RAB38: variants seen among roughly 807,000 people sequenced by gnomAD.
RAB38 encodes the protein ras-related protein Rab-38.
RAB38 carries 15 observed loss-of-function variants against 18.4 expected under a neutral mutation model. That is an observed-to-expected ratio of 0.82 (90% CI 0.55 to 1.26). The LOEUF (loss-of-function observed/expected upper bound fraction) is 1.26. Among genes scored for constraint, RAB38 ranks in the 50% most tolerant of loss-of-function variants. The probability of loss-of-function intolerance (pLI) is 0.00; values close to 1 mark genes in which losing one functional copy is unlikely to be tolerated. For synonymous variants in RAB38, 101 were observed against 104.4 expected (o/e 0.97, Z 0.20); for missense variants, 294 against 267.4 (o/e 1.10, Z -0.69).
At chr11:88,018,505 T>G in the RAB38 span, among the ~76,000 whole-genome samples, 1 of 152,266 alleles carries the variant, frequency 6.6e-6, no homozygotes, top group Non-Finnish European at 1.5e-5. Context: ...TCAAAAGAGT[T>G]TTCTGTATCC....
At chr11:87,951,845 AG>A in the RAB38 span, among the ~76,000 whole-genome samples, 1 of 152,290 alleles carries the variant, frequency 6.6e-6, no homozygotes, top group South Asian at 2.1e-4. Context: ...CTCGGGTGTC[AG>A]GGACCCACTT....
chr11:88,038,419 G>C, the RAB38 span, among the ~76,000 whole-genome samples: 4 of 152,048 alleles, frequency 2.6e-5, no homozygotes, highest in Non-Finnish European at 5.9e-5. Flanking sequence ...CATAATGTTT[G>C]CTTATCATCA....
At chr11:88,174,249 T>A (rs1240519486) in intron 1 of RAB38, 1 of 248,878 alleles carries the variant, frequency 4.0e-6, no homozygotes, top group East Asian at 1.8e-4. Context: ...GAGGGGTTGG[T>A]CATGCGCAGG....
chr11:88,080,408 A>T, the RAB38 span, among the ~76,000 whole-genome samples: 3 of 151,884 alleles, frequency 2.0e-5, no homozygotes, highest in African/African-American at 7.2e-5. Flanking sequence ...TCCAAATAAA[A>T]GGTGATATAT....
chr11:87,936,893 G>C, the RAB38 span, among the ~76,000 whole-genome samples: 22 of 151,854 alleles, frequency 1.4e-4, no homozygotes, highest in African/African-American at 5.1e-4. Flanking sequence ...TAAATTGCTT[G>C]GTAATTTCTA....
intron 1 of RAB38, among the ~76,000 whole-genome samples, chr11:88,163,136 C>T (rs1435236124): frequency 6.6e-6 from 1 of 152,066 alleles, no homozygotes; most frequent in Admixed American, 6.6e-5. Context: ...CAGCCTGTGT[C>T]CTCAATTACA....
the RAB38 span, among the ~76,000 whole-genome samples, chr11:87,878,496 TA>T: frequency 6.6e-6 from 1 of 151,402 alleles, no homozygotes; most frequent in Non-Finnish European, 1.5e-5. Context: ...TAAAATGCTA[TA>T]AAACTGCAAA....
At chr11:88,032,537 AC>A in the RAB38 span, among the ~76,000 whole-genome samples, 1 of 152,228 alleles carries the variant, frequency 6.6e-6, no homozygotes, top group African/African-American at 2.4e-5. Context: ...CAAGAAAAAA[AC>A]AAACAACCCC....
rs573720048 is a variant in RAB38 at position 88,116,561 on chromosome 11, G to C, written c.484-2421C>G. 2.0e-5 allele frequency among the ~76,000 whole-genome samples: 3 copies of C among 152,160 alleles called. No individual in the cohort carries two copies. The East Asian group carries it at 5.8e-4, about 29-fold the overall frequency. ...GGCTGGGAGGCCAGAGCTTACACTGGGTCTTTCTGACATCAAAGCCTGGCT... is the reference window on the plus strand; with the variant it reads ...GGCTGGGAGGCCAGAGCTTACACTGCGTCTTTCTGACATCAAAGCCTGGCT... On this transcript the variant is annotated intron_variant, in intron 2 of 2. Coordinates refer to ENST00000243662, the MANE Select transcript of RAB38 (RefSeq NM_022337.3).
At chr11:88,049,523 C>G in the RAB38 span, among the ~76,000 whole-genome samples, 1 of 152,020 alleles carries the variant, frequency 6.6e-6, no homozygotes, top group Non-Finnish European at 1.5e-5. Flanking sequence ...ACCCCTGTCT[C>G]CCTTCGCTGA....
the RAB38 span, among the ~76,000 whole-genome samples, chr11:88,044,158 G>T: frequency 1.3e-5 from 2 of 152,064 alleles, no homozygotes; most frequent in African/African-American, 4.8e-5. Flanking sequence ...GCCTTCCCTT[G>T]GTGTTTAATC....
In RAB38 at chr11:88,122,485, A is replaced by AAAGATAAAT. The variant is rs141519799; in HGVS notation, c.484-8354_484-8346dup. 4.5e-4 allele frequency among the ~76,000 whole-genome samples: 69 copies of AAAGATAAAT among 152,388 alleles called. 1 individual carries two copies. In the East Asian group the frequency reaches 6.0e-3, roughly 13 times the overall value. On this transcript the variant is annotated intron_variant, in intron 2 of 2. Coordinates refer to ENST00000243662, the MANE Select transcript of RAB38 (RefSeq NM_022337.3). Reference sequence around the variant, plus strand: ...ACTACTTTCTCATTAATCAGCTTGAAAAGATAAATGGTCAACCAGACACAA... The same window carrying AAAGATAAAT: ...ACTACTTTCTCATTAATCAGCTTGAAAAGATAAATAAGATAAATGGTCAACCAGACACAA...
At chr11:87,826,094 T>A in the RAB38 span, among the ~76,000 whole-genome samples, 1 of 151,998 alleles carries the variant, frequency 6.6e-6, no homozygotes, top group African/African-American at 2.4e-5. Context: ...ATGTTTAAAA[T>A]GGTAAAAGTG....
the RAB38 span, chr11:87,879,388 G>A: frequency 6.6e-6 from 1 of 151,450 alleles, no homozygotes; most frequent in Non-Finnish European, 1.5e-5. Context: ...GGTGGGGAGA[G>A]TATTCCAGTA....
chr11:87,922,291 A>C, the RAB38 span, among the ~76,000 whole-genome samples: 1 of 152,014 alleles, frequency 6.6e-6, no homozygotes, highest in Admixed American at 6.6e-5. Flanking sequence ...CCCTCTAACG[A>C]GGAGAATTCT....
chr11:87,977,368 A>AAATATAATTATATATAT, the RAB38 span, among the ~76,000 whole-genome samples: 1 of 80,178 alleles, frequency 1.2e-5, no homozygotes, highest in African/African-American at 4.8e-5. Context: ...GTATATTATA[A>AAATATAATTATATATAT]AATTATATTA....
the RAB38 span, among the ~76,000 whole-genome samples, chr11:88,016,314 G>A: frequency 6.6e-6 from 1 of 152,064 alleles, no homozygotes; most frequent in Non-Finnish European, 1.5e-5. Context: ...ACAGTAGAAT[G>A]AGACAACCTA....
At chr11:88,094,651 A>G in the RAB38 span, among the ~76,000 whole-genome samples, 1 of 151,772 alleles carries the variant, frequency 6.6e-6, no homozygotes, top group Non-Finnish European at 1.5e-5. Context: ...AGACTTTCTT[A>G]TTAAATCACC....
the RAB38 span, among the ~76,000 whole-genome samples, chr11:88,093,427 C>T: frequency 2.0e-5 from 3 of 151,838 alleles, no homozygotes; most frequent in South Asian, 6.2e-4. Flanking sequence ...TAAAAACAAC[C>T]TAAAACTGAT....
Sources: gnomAD v4.1 joint callset for allele counts (sites outside exome capture counted in the v4.1 genomes callset) on GRCh38, gnomAD v4.1.1 for gene constraint, MANE v1.5 for transcripts, NCBI Gene and HGNC (gene_info 2026-07-23, HGNC 2026-07-21) for gene names.